The following FAM76B variants were observed in gnomAD, a reference collection of about 807,000 sequenced individuals.
FAM76B encodes the protein family with sequence similarity 76 member B, also known as protein FAM76B.
Under a neutral mutation model 51.8 loss-of-function variants are expected in FAM76B, and 16 were observed. The observed-to-expected ratio is 0.31, with a 90% CI of 0.21 to 0.47. The LOEUF is 0.47. Ranked by LOEUF, FAM76B falls within the 20% of genes least tolerant of loss-of-function variation. The pLI, the probability that FAM76B is intolerant of heterozygous loss-of-function variation, is 1.00. For missense variants in FAM76B, 342 were observed against 392.6 expected, an observed-to-expected ratio of 0.87 and a Z score of 1.09; for synonymous variants, 166 against 129.5, an observed-to-expected ratio of 1.28 and a Z score of -1.91.
intron 1 of FAM76B, chr11:95,788,955 G>A (rs551713112): frequency 9.7e-6 from 13 of 1,347,058 alleles, no homozygotes; most frequent in South Asian, 6.1e-5. Flanking sequence ...TTCCTGGACA[G>A]GGAAGAAGGA....
rs1023571563 is a variant in FAM76B, at chr11:95,783,233, G to C, written c.395C>G (p.Thr132Ser). 2 of 1,613,176 alleles carry C rather than the reference G, an allele frequency of 1.2e-6. No individual in the cohort carries two copies. Among genetic ancestry groups the C allele is most frequent in the African/African-American group, 2.7e-5 (2 of 74,888 alleles). ...VDGKLLCWLC[T>S]LSYKRVLQKT... is the part of the protein sequence containing the mutation. The stretch of plus-strand genomic sequence containing the variant: ...CTGTAAAACTCTTTTGTACGATAAA[G>C]TACAGAGCCAGCATAATAACTTTCC... Residue 132 changes from threonine to serine, a missense_variant, in exon 5 of 10, where the codon ACT (threonine) becomes AGT (serine). This residue lies in a region of FAM76B where 230 missense variants were observed against 257.4 expected (regional missense o/e 0.89). Coordinates refer to ENST00000358780, the MANE Select transcript of FAM76B (RefSeq NM_144664.5).
chr11:95,785,163 TTTG>T (rs1286373437), intron 4 of FAM76B, among the ~76,000 whole-genome samples: 2 of 152,186 alleles, frequency 1.3e-5, no homozygotes, highest in African/African-American at 2.4e-5. Context: ...ATTGTTCTAT[TTTG>T]TTATTATTTT....
chr11:95,772,099 T>C (rs1214799182), intron 9 of FAM76B, among the ~76,000 whole-genome samples: 2 of 151,188 alleles, frequency 1.3e-5, no homozygotes, highest in African/African-American at 2.4e-5. Flanking sequence ...CTTTTTTCTA[T>C]GTTTACTCTC....
intron 1 of FAM76B, chr11:95,788,989 G>A (rs1261019855): frequency 2.2e-6 from 3 of 1,353,068 alleles, no homozygotes; most frequent in South Asian, 1.2e-5. Flanking sequence ...GCGGCTTCGG[G>A]TTCCTAGCAA....
chr11:95,787,240 T>A (rs1275492568), intron 3 of FAM76B, among the ~76,000 whole-genome samples: 1 of 148,054 alleles, frequency 6.8e-6, no homozygotes, highest in African/African-American at 2.5e-5. Flanking sequence ...ATAGCAGTAG[T>A]TTTTTTTTTT....
At chr11:95,785,276 AGGCATCCACT>A (rs1860502726) in intron 4 of FAM76B, among the ~76,000 whole-genome samples, 2 of 152,194 alleles carry the variant, frequency 1.3e-5, no homozygotes, top group Admixed American at 1.3e-4. Context: ...CCCCAGTTTC[AGGCATCCACT>A]GGTCTTAGAA....
At chr11:95,771,978 C>A (rs531588709) in intron 9 of FAM76B, among the ~76,000 whole-genome samples, 1 of 151,154 alleles carries the variant, frequency 6.6e-6, no homozygotes, top group Admixed American at 6.6e-5. Flanking sequence ...GTGTTTGGCC[C>A]TTCATCTTAA....
intron 2 of FAM76B, 120 bp from the exon 3 acceptor site, chr11:95,787,798 T>G (rs1267123120): frequency 6.6e-6 from 5 of 755,622 alleles, no homozygotes; most frequent in Non-Finnish European, 6.3e-6. Context: ...GACCACGGAT[T>G]TTTTTCAAAT....
intron 7 of FAM76B, 198 bp downstream of exon 7, chr11:95,779,409 A>G: frequency 1.7e-6 from 1 of 588,688 alleles, no homozygotes; most frequent in Non-Finnish European, 2.8e-6. Flanking sequence ...CCCAAATAGA[A>G]CAACATAGTT....
chr11:95,773,051 G>A (rs1322001579), intron 9 of FAM76B, among the ~76,000 whole-genome samples: 1 of 150,874 alleles, frequency 6.6e-6, no homozygotes, highest in Non-Finnish European at 1.5e-5. Flanking sequence ...ATCTCCACTA[G>A]ATCTGTTAAG....
At chr11:95,780,002 T>G in intron 5 of FAM76B, 76 bp from the exon 6 acceptor site, 2 of 1,327,104 alleles carry the variant, frequency 1.5e-6, no homozygotes, top group Middle Eastern at 2.5e-4. Context: ...TCTTTCTCAA[T>G]GGATACAAAT....
chr11:95,777,344 A>G (rs12418346), intron 8 of FAM76B, among the ~76,000 whole-genome samples: 19,527 of 151,254 alleles, frequency 0.13, 2,699 homozygotes, highest in African/African-American at 0.34. Context: ...GAGGAACACT[A>G]ACAAAAGCAG....
At chr11:95,778,768 C>G (rs1860120853) in intron 8 of FAM76B, 54 bp downstream of exon 8, 2 of 1,503,540 alleles carry the variant, frequency 1.3e-6, no homozygotes. Context: ...TTGCGATTAT[C>G]AAGCAACAGT....
intron 1 of FAM76B, chr11:95,789,132 T>C (rs892037870): frequency 7.6e-7 from 1 of 1,308,142 alleles, no homozygotes; most frequent in Middle Eastern, 2.8e-4. Context: ...ACCCCACTCC[T>C]GAGACCCCCA....
intron 6 of FAM76B, 27 bp downstream of exon 6, chr11:95,779,852 C>G: frequency 6.3e-7 from 1 of 1,592,548 alleles, no homozygotes; most frequent in Non-Finnish European, 8.5e-7. Flanking sequence ...TTTCAAAATA[C>G]TTCAGAAAAT....
chr11:95,789,258 G>A, intron 1 of FAM76B, 134 bp downstream of exon 1: 1 of 1,038,498 alleles, frequency 9.6e-7, no homozygotes, highest in Non-Finnish European at 1.4e-6. Context: ...GGGTCCCCGA[G>A]TGGGGAGGCG....
Position 95,780,459 on chromosome 11 carries a change from C to G in FAM76B, c.564-533G>C, listed in dbSNP as rs937244767. 4.6e-5 allele frequency among the ~76,000 whole-genome samples: 7 copies of G among 152,062 alleles called. 1 individual carries two copies. Among genetic ancestry groups the G allele is most frequent in the Admixed American group, 4.6e-4 (7 of 15,260 alleles). ...CATAGAGCTCTCTTTAGTTAGTATT[C>G]TGGAGAAGTTACGCTGAAACTATTG... On this transcript the variant is annotated intron_variant, in intron 5 of 9. Coordinates refer to ENST00000358780, the MANE Select transcript of FAM76B (RefSeq NM_144664.5).
intron 2 of FAM76B, among the ~76,000 whole-genome samples, 182 bp downstream of exon 2, chr11:95,788,314 AACC>A (rs1420919109): frequency 2.6e-5 from 4 of 152,218 alleles, no homozygotes; most frequent in Non-Finnish European, 1.5e-5. Flanking sequence ...ACTGTAAATT[AACC>A]ACCACTGGTT....
At chr11:95,786,524 C>G (rs765952701) in intron 3 of FAM76B, 6 of 346,320 alleles carry the variant, frequency 1.7e-5, no homozygotes, top group South Asian at 7.8e-5. Context: ...TTTGCATAGT[C>G]TGTTAGATAA....
Sources: gnomAD v4.1 joint callset for allele counts (sites outside exome capture counted in the v4.1 genomes callset) on GRCh38, gnomAD v4.1.1 for gene constraint, gnomAD v4.1.1 regional missense constraint, MANE v1.5 for transcripts, NCBI Gene and HGNC (gene_info 2026-07-23, HGNC 2026-07-21) for gene names.